Variants in DHRS4L2 observed in about 807,000 individuals in gnomAD.
DHRS4L2 encodes the protein dehydrogenase/reductase 4 like 2.
Under a neutral mutation model 23.9 loss-of-function variants are expected in DHRS4L2, and 22 were observed. The ratio of observed to expected loss-of-function variants is 0.92; its 90% CI spans 0.66 to 1.31. The LOEUF (loss-of-function observed/expected upper bound fraction) is 1.31. Among genes scored for constraint, DHRS4L2 ranks in the 40% most tolerant of loss-of-function variants. The pLI, the probability that DHRS4L2 is intolerant of heterozygous loss-of-function variation, is 0.00. For synonymous variants in DHRS4L2, 141 were observed against 123.7 expected, an observed-to-expected ratio of 1.14 and a Z score of -0.93; for missense variants, 385 against 303.3, an observed-to-expected ratio of 1.27 and a Z score of -2.00.
rs963926231 is a variant in DHRS4L2, at chr14:23,995,865, G to A, written c.408+732G>A. The stretch of plus-strand genomic sequence containing the variant: ...TTTTTATGATCTCCCATGGTTCTGC[G>A]TTTTACACTGATGTTGTATTAGTCT... On this transcript the variant is annotated intron_variant, in intron 3 of 7. Transcript: ENST00000335125. Among the ~76,000 whole-genome samples, 60 of 151,758 alleles carry A rather than the reference G, an allele frequency of 4.0e-4. 1 individual carries two copies. The highest frequency in any genetic ancestry group is 1.2e-3 in the African/African-American group (51 of 41,462).
At chr14:23,990,054 G>C (rs2034233501) in intron 1 of DHRS4L2, 128 bp from the exon 2 acceptor site, 2 of 1,422,882 alleles carry the variant, frequency 1.4e-6, no homozygotes, top group South Asian at 1.4e-5. Flanking sequence ...ACACATAGTA[G>C]GCACACGTAG....
In DHRS4L2 at chr14:23,992,675, C is replaced by G. The variant is rs1243504839; in HGVS notation, c.306+2316C>G. 1.3e-5 allele frequency among the ~76,000 whole-genome samples: 2 copies of G among 151,402 alleles called. 1 individual carries two copies. Among genetic ancestry groups the G allele is most frequent in the Non-Finnish European group, 2.9e-5 (2 of 67,890 alleles). ...AGTGATCACACAATTTAGAATAAGACTTAGAAGACTTTCTTTTATTTTTTT... is the reference window on the plus strand; with the variant it reads ...AGTGATCACACAATTTAGAATAAGAGTTAGAAGACTTTCTTTTATTTTTTT... On this transcript the variant is annotated intron_variant, in intron 2 of 7. Transcript: ENST00000335125.
At chr14:23,977,768 T>C in intron 1 of DHRS4L2, among the ~76,000 whole-genome samples, 1 of 151,614 alleles carries the variant, frequency 6.6e-6, no homozygotes, top group Non-Finnish European at 1.5e-5. Context: ...ATGACCCTTG[T>C]TGTATATTAA....
intron 6 of DHRS4L2, 31 bp from the exon 7 acceptor site, chr14:24,004,306 A>C (rs750709792): frequency 6.4e-7 from 1 of 1,560,512 alleles, no homozygotes; most frequent in South Asian, 1.2e-5. Context: ...AAAGAAAAAA[A>C]AACATAAAGA....
chr14:23,982,972 G>T (rs2034079308), intron 1 of DHRS4L2, among the ~76,000 whole-genome samples: 1 of 151,522 alleles, frequency 6.6e-6, no homozygotes, highest in Non-Finnish European at 1.5e-5. Context: ...ACGGGTATGG[G>T]CAAAGACTTC....
chr14:23,982,126 C>G (rs572574892), intron 1 of DHRS4L2, among the ~76,000 whole-genome samples: 1 of 151,784 alleles, frequency 6.6e-6, no homozygotes, highest in East Asian at 1.9e-4. Context: ...GGCCATATTT[C>G]AGACTATCAC....
chr14:23,998,147 C>G lies in DHRS4L2; in HGVS notation c.409-2716C>G, dbSNP rs560542529. ...GTAACAGTTTTAAAGGAATCTTTTT[C>G]TGAGCAGTAGCCATCAACGGTGAGC... On this transcript the variant is annotated intron_variant, in intron 3 of 7. Transcript: ENST00000335125. Among the ~76,000 whole-genome samples, 655 of 152,082 alleles carry G rather than the reference C, an allele frequency of 4.3e-3. 1 individual carries two copies. The highest frequency in any genetic ancestry group is 0.015 in the African/African-American group (626 of 41,576).
chr14:23,973,303 C>A (rs866732507), intron 1 of DHRS4L2, among the ~76,000 whole-genome samples: 1 of 151,960 alleles, frequency 6.6e-6, no homozygotes, highest in African/African-American at 2.4e-5. Context: ...AAGGCCACAC[C>A]CACCCAGAAC....
At chr14:23,990,097 C>T (rs540750390) in intron 1 of DHRS4L2, 85 bp from the exon 2 acceptor site, 4 of 1,566,878 alleles carry the variant, frequency 2.6e-6, no homozygotes, top group Middle Eastern at 1.7e-4. Context: ...GAATTCAAAC[C>T]CGGGCAGTCT....
intron 2 of DHRS4L2, chr14:23,991,089 C>G (rs61999801): frequency 6.0e-6 from 1 of 166,466 alleles, no homozygotes; most frequent in East Asian, 1.9e-4. Flanking sequence ...AGGGCACACA[C>G]TTTATTTCCC....
At position 23,989,050 on chromosome 14, in the gene DHRS4L2, G is replaced by A. The variant is rs1444863030; in HGVS notation, c.103G>A (p.Ala35Thr). The change falls in exon 1 of 8, where the codon GCC (alanine) becomes ACC (threonine). Residue 35 changes from alanine (A) to threonine (T), a missense_variant. Transcript: ENST00000335125. ...CCGGGACCCGCTCACAAATAAGGTG[G>A]CCCTGGTAACGGCCTCCACCGACGG... ...TRRDPLTNKVALVTASTDGIG... is the reference protein window; with the variant it reads ...TRRDPLTNKVTLVTASTDGIG... 4 of 1,591,084 alleles carry A rather than the reference G, an allele frequency of 2.5e-6. No homozygotes were observed. The highest frequency in any genetic ancestry group is 1.7e-4 in the Middle Eastern group (1 of 5,912).
At chr14:23,988,810 A>G, upstream of DHRS4L2, 4 of 1,404,144 alleles carry the variant, frequency 2.8e-6, no homozygotes, top group Non-Finnish European at 3.7e-6. Context: ...GGAGGCGCCA[A>G]CCGCCACAGA....
At chr14:24,004,164 G>T (rs1594479316) in intron 6 of DHRS4L2, among the ~76,000 whole-genome samples, 173 bp from the exon 7 acceptor site, 1 of 146,144 alleles carries the variant, frequency 6.8e-6, no homozygotes, top group East Asian at 2.0e-4. Context: ...CAGCTACTCG[G>T]GAGGCTGAGG....
At chr14:23,989,399 G>A (rs554438597) in intron 1 of DHRS4L2, among the ~76,000 whole-genome samples, 1 of 151,620 alleles carries the variant, frequency 6.6e-6, no homozygotes, top group African/African-American at 2.4e-5. Context: ...AAATGCAAGG[G>A]AATCTGGATT....
At chr14:23,997,654 G>A (rs187830139) in intron 3 of DHRS4L2, among the ~76,000 whole-genome samples, 2 of 147,106 alleles carry the variant, frequency 1.4e-5, no homozygotes, top group East Asian at 4.0e-4. Context: ...CAGCTCCTCA[G>A]CCATCTACAT....
At chr14:23,972,675 C>G (rs1188139284) in intron 1 of DHRS4L2, among the ~76,000 whole-genome samples, 1 of 151,950 alleles carries the variant, frequency 6.6e-6, no homozygotes, top group African/African-American at 2.4e-5. Flanking sequence ...AGAGAAACAA[C>G]AGTGAGTCCA....
upstream of DHRS4L2, among the ~76,000 whole-genome samples, chr14:23,987,754 C>A (rs55986585): frequency 0.022 from 3,375 of 151,814 alleles, 110 homozygotes; most frequent in Middle Eastern, 0.054. Context: ...TAATTGTTTC[C>A]TTTTCTCATT....
chr14:24,000,732 G>A, intron 3 of DHRS4L2, 131 bp from the exon 4 acceptor site: 1 of 786,226 alleles, frequency 1.3e-6, no homozygotes, highest in Middle Eastern at 2.4e-4. Context: ...TGTGTAAGAT[G>A]CAGGTATATC....
At chr14:23,988,038 C>T (rs1456674001), upstream of DHRS4L2, among the ~76,000 whole-genome samples, 1 of 151,660 alleles carries the variant, frequency 6.6e-6, no homozygotes, top group Non-Finnish European at 1.5e-5. Flanking sequence ...CAGTAATTTA[C>T]AGATGAAGAG....
Sources: gnomAD v4.1 joint callset for allele counts (sites outside exome capture counted in the v4.1 genomes callset) on GRCh38, gnomAD v4.1.1 for gene constraint, MANE v1.5 for transcripts, NCBI Gene and HGNC (gene_info 2026-07-23, HGNC 2026-07-21) for gene names.